Variants in PREX2 observed in about 807,000 individuals in gnomAD.
PREX2 encodes the protein phosphatidylinositol 3,4,5-trisphosphate-dependent Rac exchanger 2 protein.
PREX2 carries 107 observed loss-of-function variants against 203.2 expected under a neutral mutation model. The ratio of observed to expected loss-of-function variants is 0.53; its 90% CI spans 0.45 to 0.62. PREX2 has a LOEUF of 0.62. Ranked by LOEUF, PREX2 falls within the 20% of genes least tolerant of loss-of-function variation. The probability of loss-of-function intolerance (pLI) is 0.00; values close to 1 mark genes in which losing one functional copy is unlikely to be tolerated. For synonymous variants in PREX2, 672 were observed against 663.6 expected, an observed-to-expected ratio of 1.01 and a Z score of -0.19; for missense variants, 1,777 against 1,955.9, an observed-to-expected ratio of 0.91 and a Z score of 1.72.
chr8:68,200,831 G>A (rs34537409), intron 37 of PREX2, among the ~76,000 whole-genome samples: 2,712 of 152,250 alleles, frequency 0.018, 43 homozygotes, highest in Middle Eastern at 0.041. Context: ...TATAAAAGGA[G>A]AGGATGTGAC....
chr8:68,167,967 T>C (rs1204053808), intron 35 of PREX2, among the ~76,000 whole-genome samples: 1 of 152,206 alleles, frequency 6.6e-6, no homozygotes, highest in Non-Finnish European at 1.5e-5. Context: ...AGCCTTTGTT[T>C]TAATAAACTT....
At chr8:68,080,407 T>C in intron 15 of PREX2, 36 bp from the exon 16 acceptor site, 1 of 1,599,616 alleles carries the variant, frequency 6.3e-7, no homozygotes, top group East Asian at 2.2e-5. Flanking sequence ...GATTTTTGAA[T>C]TAGCTGAAAT....
At chr8:67,983,116 T>A (rs1806318520) in intron 1 of PREX2, among the ~76,000 whole-genome samples, 1 of 152,218 alleles carries the variant, frequency 6.6e-6, no homozygotes, top group Non-Finnish European at 1.5e-5. Context: ...GGTGGTGGTA[T>A]TTTTTTAAGC....
rs192815418 is a variant in PREX2, at chr8:68,155,498, G to C, written c.4232-1824G>C. Among the ~76,000 whole-genome samples, 306 of 152,214 alleles carry C rather than the reference G, an allele frequency of 2.0e-3. 2 individuals are homozygous for C. Among genetic ancestry groups the C allele is most frequent in the African/African-American group, 6.9e-3 (288 of 41,550 alleles). On this transcript the variant is annotated intron_variant, in intron 34 of 39. Transcript: ENST00000288368. ...ACTAGTTTAATAAAACTATAGCACAGCTAAAATGAGCAGTCAGTTTCCTAT... is the reference window on the plus strand; with the variant it reads ...ACTAGTTTAATAAAACTATAGCACACCTAAAATGAGCAGTCAGTTTCCTAT...
intron 33 of PREX2, among the ~76,000 whole-genome samples, chr8:68,144,986 A>G (rs887386784): frequency 1.3e-5 from 2 of 152,144 alleles, no homozygotes; most frequent in Middle Eastern, 3.2e-3. Context: ...GATGAAGGGT[A>G]TGGAATTTAA....
chr8:68,154,365 A>C (rs1232348148), intron 34 of PREX2, among the ~76,000 whole-genome samples: 2 of 152,180 alleles, frequency 1.3e-5, no homozygotes, highest in Admixed American at 6.5e-5. Context: ...CATTAACCAT[A>C]ATTAGTAGGT....
intron 39 of PREX2, among the ~76,000 whole-genome samples, chr8:68,230,294 G>A (rs558951088): frequency 6.6e-6 from 1 of 152,296 alleles, no homozygotes; most frequent in African/African-American, 2.4e-5. Context: ...GTCGGTAAAA[G>A]GGATTGAATC....
At chr8:68,159,983 T>C (rs1179199246) in intron 35 of PREX2, among the ~76,000 whole-genome samples, 1 of 152,142 alleles carries the variant, frequency 6.6e-6, no homozygotes, top group Non-Finnish European at 1.5e-5. Flanking sequence ...TTTTCTTGAC[T>C]CTAGAAAATA....
At chr8:68,131,126 G>A (rs1211256953) in intron 31 of PREX2, among the ~76,000 whole-genome samples, 2 of 152,182 alleles carry the variant, frequency 1.3e-5, no homozygotes, top group African/African-American at 4.8e-5. Flanking sequence ...CAGATATGTT[G>A]TTTTAATGTG....
intron 23 of PREX2, chr8:68,105,063 G>A: frequency 8.7e-7 from 1 of 1,147,730 alleles, no homozygotes; most frequent in Admixed American, 2.0e-5. Flanking sequence ...GATGTTTACA[G>A]GGCCATTTGC....
intron 8 of PREX2, among the ~76,000 whole-genome samples, 157 bp from the exon 9 acceptor site, chr8:68,052,940 G>A (rs1438399975): frequency 6.6e-6 from 1 of 152,118 alleles, no homozygotes; most frequent in East Asian, 1.9e-4. Context: ...CATTCTTAAA[G>A]TTTTTAAATG....
At chr8:68,025,520 T>C (rs994690947) in intron 4 of PREX2, among the ~76,000 whole-genome samples, 1 of 152,104 alleles carries the variant, frequency 6.6e-6, no homozygotes, top group Non-Finnish European at 1.5e-5. Context: ...AGTTGAGCTG[T>C]TTGAATCTAT....
At chr8:68,095,393 C>A (rs1434765) in intron 21 of PREX2, among the ~76,000 whole-genome samples, 69,785 of 151,692 alleles carry the variant, frequency 0.46, 16,570 homozygotes, top group African/African-American at 0.57. Context: ...ACATAAACTC[C>A]GTTATGTTCT....
At chr8:68,148,523 C>T (rs997707745) in intron 34 of PREX2, among the ~76,000 whole-genome samples, 14 of 152,138 alleles carry the variant, frequency 9.2e-5, no homozygotes, top group Admixed American at 6.5e-5. Flanking sequence ...TAATCATATC[C>T]AACAGCAAAT....
rs1158154485 is a variant in PREX2 at position 68,108,229 on chromosome 8, T to G, written c.2836T>G (p.Ser946Ala). The change falls in exon 24 of 40, where the codon TCT becomes GCT. Residue 946 changes from serine to alanine, a missense_variant. Coordinates refer to ENST00000288368, the MANE Select transcript of PREX2 (RefSeq NM_024870.4). ...TNCHVNVMEV[S>A]YPKTSTSLGS... Reference sequence around the variant, plus strand: ...CTGCCATGTCAATGTGATGGAAGTTTCTTATCCCAAAACATCAACCTCTTT... The same window carrying G: ...CTGCCATGTCAATGTGATGGAAGTTGCTTATCCCAAAACATCAACCTCTTT... 1 of 1,614,024 alleles carries G rather than the reference T, an allele frequency of 6.2e-7. No homozygotes were observed. Among genetic ancestry groups the G allele is most frequent in the Non-Finnish European group, 8.5e-7 (1 of 1,179,924 alleles).
At chr8:68,021,365 T>G (rs939816488) in intron 3 of PREX2, among the ~76,000 whole-genome samples, 3 of 152,204 alleles carry the variant, frequency 2.0e-5, no homozygotes, top group African/African-American at 4.8e-5. Flanking sequence ...GTATTCATGA[T>G]TTCCTGACTT....
chr8:68,206,279 T>C (rs1177404967), intron 37 of PREX2, among the ~76,000 whole-genome samples: 1 of 152,206 alleles, frequency 6.6e-6, no homozygotes, highest in Non-Finnish European at 1.5e-5. Context: ...GAGCAGCGTA[T>C]GTGAAAACAG....
intron 10 of PREX2, among the ~76,000 whole-genome samples, chr8:68,059,642 G>C (rs1808784492): frequency 6.6e-6 from 1 of 152,204 alleles, no homozygotes; most frequent in African/African-American, 2.4e-5. Context: ...CCAGTCAGAA[G>C]TCCAGGAGAG....
At chr8:67,966,430 G>GTTT (rs11448237) in intron 1 of PREX2, among the ~76,000 whole-genome samples, 1 of 148,154 alleles carries the variant, frequency 6.7e-6, no homozygotes. Flanking sequence ...AAATCTACAG[G>GTTT]TTTTTTTTTT....
Sources: allele counts gnomAD v4.1 joint callset (sites outside exome capture counted in the v4.1 genomes callset), GRCh38; gene constraint gnomAD v4.1.1; transcripts MANE v1.5; gene names NCBI Gene and HGNC (gene_info 2026-07-23, HGNC 2026-07-21).